Variants in ARHGAP26 observed in about 807,000 individuals in gnomAD.
ARHGAP26 encodes the protein Rho GTPase activating protein 26, also known as rho GTPase-activating protein 26.
A neutral mutation model predicts 104.8 loss-of-function variants in ARHGAP26; 38 were observed. The ratio of observed to expected loss-of-function variants is 0.36; its 90% CI spans 0.28 to 0.48. The LOEUF (loss-of-function observed/expected upper bound fraction) is 0.48. Among genes scored for constraint, ARHGAP26 ranks in the 20% least tolerant of loss-of-function variants. ARHGAP26 has a pLI of 0.99. For missense variants in ARHGAP26, 704 were observed against 947.9 expected (o/e 0.74, Z 3.38); for synonymous variants, 341 against 340.0 (o/e 1.00, Z -0.03).
At position 142,946,345 on chromosome 5, in the gene ARHGAP26, G is replaced by T. The variant is rs547775964; in HGVS notation, c.1107+14220G>T. On this transcript the variant is annotated intron_variant, in intron 11 of 22. Coordinates refer to ENST00000645722, the MANE Select transcript of ARHGAP26 (RefSeq NM_001135608.3). ...GATCTTACTAGACATTCCGAGCTGTGACCTCTCACCTCCAGCAACAGCACC... is the reference window on the plus strand; with the variant it reads ...GATCTTACTAGACATTCCGAGCTGTTACCTCTCACCTCCAGCAACAGCACC... 2.0e-5 allele frequency among the ~76,000 whole-genome samples: 3 copies of T among 152,250 alleles called. No individual in the cohort carries two copies. In the South Asian group the frequency reaches 6.2e-4, roughly 32 times the overall value.
rs566473112 is a variant in ARHGAP26, at chr5:142,930,487, G to A, written c.1029-1560G>A. On this transcript the variant is annotated intron_variant, in intron 10 of 22. Coordinates refer to ENST00000645722, the MANE Select transcript of ARHGAP26 (RefSeq NM_001135608.3). ...GAGTCATCTTTGTATTGTGGTGCCA[G>A]TCCCAGTGTGACCTTCATGGGAATG... 3.3e-5 allele frequency among the ~76,000 whole-genome samples: 5 copies of A among 152,282 alleles called. No individual in the cohort carries two copies. The South Asian group carries it at 6.2e-4, about 19-fold the overall frequency.
chr5:142,869,275 C>T (rs1323800877), intron 1 of ARHGAP26, among the ~76,000 whole-genome samples: 3 of 150,144 alleles, frequency 2.0e-5, no homozygotes, highest in South Asian at 2.1e-4. Context: ...GGTGCAACCT[C>T]GGCTCACTGC....
chr5:142,882,855 T>C (rs1336573641), intron 4 of ARHGAP26, among the ~76,000 whole-genome samples: 1 of 152,204 alleles, frequency 6.6e-6, no homozygotes, highest in Non-Finnish European at 1.5e-5. Context: ...CCTCAATTTA[T>C]AGTTGAGGAA....
chr5:142,813,680 G>A (rs1318264405), intron 1 of ARHGAP26, among the ~76,000 whole-genome samples: 1 of 152,176 alleles, frequency 6.6e-6, no homozygotes, highest in African/African-American at 2.4e-5. Context: ...CTGTGCCTGT[G>A]TCCTAATCTT....
chr5:142,994,315 A>G (rs1776067963), intron 11 of ARHGAP26, among the ~76,000 whole-genome samples: 1 of 152,212 alleles, frequency 6.6e-6, no homozygotes, highest in South Asian at 2.1e-4. Flanking sequence ...GGGACAGATG[A>G]GGAAACAGCT....
chr5:143,019,455 C>G (rs535070108), intron 12 of ARHGAP26, among the ~76,000 whole-genome samples: 103 of 152,076 alleles, frequency 6.8e-4, no homozygotes, highest in Admixed American at 2.0e-3. Flanking sequence ...TTTGCTGTTC[C>G]CTACCTTTGG....
At chr5:143,026,578 T>C (rs171538) in intron 12 of ARHGAP26, among the ~76,000 whole-genome samples, 29,843 of 151,930 alleles carry the variant, frequency 0.2, 3,349 homozygotes, top group South Asian at 0.33. Context: ...CTACTTGTGT[T>C]CTAGGAATAT....
chr5:143,222,395 T>G lies in ARHGAP26; in HGVS notation c.2229T>G (p.Thr743=). Residue 743 remains threonine, a synonymous_variant, in exon 23 of 23, where the codon ACT becomes ACG. Coordinates refer to ENST00000645722, the MANE Select transcript of ARHGAP26 (RefSeq NM_001135608.3). ...AGGAGCCTGGCTGGTTGGAGGGGAC[T>G]CTGAACGGAAAGACTGGCCTCATCC... ...PSQEPGWLEG[T]LNGKTGLIPE... 6.2e-7 allele frequency: 1 copy of G among 1,607,234 alleles called. No individual in the cohort carries two copies. Among genetic ancestry groups the G allele is most frequent in the Non-Finnish European group, 8.5e-7 (1 of 1,175,164 alleles).
At chr5:143,214,264 A>G (rs776807036) in intron 22 of ARHGAP26, among the ~76,000 whole-genome samples, 176 bp downstream of exon 22, 6 of 152,158 alleles carry the variant, frequency 3.9e-5, no homozygotes, top group Non-Finnish European at 7.4e-5. Context: ...AAAATAAAAT[A>G]GCAGCAGCAG....
At chr5:142,875,622 C>CCTACCTGGTAAA (rs1381463185) in intron 3 of ARHGAP26, among the ~76,000 whole-genome samples, 12 of 152,052 alleles carry the variant, frequency 7.9e-5, no homozygotes, top group African/African-American at 2.9e-4. Context: ...TAGGAGGGAC[C>CCTACCTGGTAAA]CAGTAAACAG....
chr5:143,093,381 G>A (rs1006128838), intron 17 of ARHGAP26, among the ~76,000 whole-genome samples: 3 of 152,134 alleles, frequency 2.0e-5, no homozygotes, highest in Admixed American at 6.5e-5. Context: ...CTGACAACAA[G>A]GTGGTATTGG....
chr5:142,894,144 T>A (rs554739931), intron 5 of ARHGAP26, 94 bp from the exon 6 acceptor site: 8 of 933,336 alleles, frequency 8.6e-6, no homozygotes, highest in Admixed American at 4.8e-5. Context: ...TTTTTGAAAA[T>A]TATCTCCCGA....
chr5:143,021,366 T>G (rs1411021000), intron 12 of ARHGAP26, among the ~76,000 whole-genome samples: 1 of 152,248 alleles, frequency 6.6e-6, no homozygotes, highest in African/African-American at 2.4e-5. Flanking sequence ...GTTGAATCAT[T>G]TATCATTGTT....
chr5:142,816,282 T>C (rs1765122546), intron 1 of ARHGAP26, among the ~76,000 whole-genome samples: 1 of 152,238 alleles, frequency 6.6e-6, no homozygotes, highest in Admixed American at 6.5e-5. Flanking sequence ...AGCAACTTGG[T>C]GCATGATCGA....
chr5:142,801,313 T>C (rs764936949), intron 1 of ARHGAP26, among the ~76,000 whole-genome samples: 20 of 152,192 alleles, frequency 1.3e-4, no homozygotes, highest in Non-Finnish European at 2.8e-4. Flanking sequence ...ATAAGAGTTA[T>C]AGTCATAGCG....
intron 17 of ARHGAP26, among the ~76,000 whole-genome samples, chr5:143,068,353 T>A (rs1787806388): frequency 6.6e-6 from 1 of 152,158 alleles, no homozygotes; most frequent in Non-Finnish European, 1.5e-5. Flanking sequence ...AGATGTTGCT[T>A]TTCATTCCAC....
intron 1 of ARHGAP26, among the ~76,000 whole-genome samples, chr5:142,856,465 C>T (rs1196612621): frequency 6.6e-6 from 1 of 152,114 alleles, no homozygotes; most frequent in Non-Finnish European, 1.5e-5. Flanking sequence ...TTCCTTTTTT[C>T]GTTGTGGCAG....
intron 20 of ARHGAP26, chr5:143,202,964 G>C (rs188259395): frequency 6.6e-6 from 1 of 152,024 alleles, no homozygotes; most frequent in African/African-American, 2.4e-5. Flanking sequence ...ACCTAAAGCC[G>C]TAAAAACTCT....
chr5:143,148,549 C>G (rs1799427386), intron 20 of ARHGAP26, among the ~76,000 whole-genome samples: 1 of 152,184 alleles, frequency 6.6e-6, no homozygotes, highest in Non-Finnish European at 1.5e-5. Flanking sequence ...TTAAATCATA[C>G]TGATGTTCAG....
Sources: allele counts gnomAD v4.1 joint callset (sites outside exome capture counted in the v4.1 genomes callset), GRCh38; gene constraint gnomAD v4.1.1; transcripts MANE v1.5; gene names NCBI Gene and HGNC (gene_info 2026-07-23, HGNC 2026-07-21).